Variants in PHACTR3 observed in about 807,000 individuals in gnomAD.
PHACTR3 encodes the protein protein phosphatase 1, regulatory subunit 123.
In PHACTR3, 16 loss-of-function variants were observed where a neutral mutation model predicts 66.8. That is an observed-to-expected ratio of 0.24 (90% CI 0.16 to 0.36). The LOEUF (loss-of-function observed/expected upper bound fraction) is 0.36. PHACTR3 is among the 10% of genes least tolerant of loss of function. PHACTR3 has a pLI of 1.00. For synonymous variants in PHACTR3, 323 were observed against 292.1 expected (o/e 1.11, Z -1.08); for missense variants, 647 against 719.9 (o/e 0.90, Z 1.16).
chr20:59,626,785 G>C (rs2034463950), intron 1 of PHACTR3: 1 of 152,298 alleles, frequency 6.6e-6, no homozygotes, highest in African/African-American at 2.4e-5. Flanking sequence ...AGATGCTGGT[G>C]GTTTGGAGCA....
chr20:59,788,324 G>A (rs1049855237), intron 7 of PHACTR3, among the ~76,000 whole-genome samples: 1 of 152,112 alleles, frequency 6.6e-6, no homozygotes, highest in Non-Finnish European at 1.5e-5. Flanking sequence ...CTGCCTGGGC[G>A]CTTCCCTTTC....
chr20:59,773,353 A>G lies in PHACTR3; in HGVS notation c.826A>G (p.Thr276Ala). The G allele has an allele frequency of 6.2e-7, 1 of 1,614,052 alleles. No homozygotes were observed. Among genetic ancestry groups the G allele is most frequent in the Non-Finnish European group, 8.5e-7 (1 of 1,180,008 alleles). Reference protein sequence around the residue: ...PSLRGQLSTPTGSPHLTTVHR... With the variant: ...PSLRGQLSTPAGSPHLTTVHR... ...CCTCCGGGGCCAGCTCTCCACACCC[A>G]CGGGGTCTCCGCATCTCACCACGGT... is the stretch of plus-strand genomic sequence containing the variant. The change falls in exon 6 of 13, where the codon ACG (threonine) becomes GCG (alanine). Residue 276 changes from threonine to alanine, a missense_variant. Thr to Ala is a moderately conservative substitution (Grantham distance 58, BLOSUM62 0). Coordinates refer to ENST00000371015, the MANE Select transcript of PHACTR3 (RefSeq NM_080672.5).
intron 1 of PHACTR3, among the ~76,000 whole-genome samples, chr20:59,585,916 G>A (rs748478758): frequency 4.6e-5 from 7 of 152,238 alleles, no homozygotes; most frequent in African/African-American, 4.8e-5. Context: ...GCCTCTTTGC[G>A]TGAGTCTCTC....
intron 4 of PHACTR3, among the ~76,000 whole-genome samples, chr20:59,765,498 T>C (rs896815239): frequency 1.8e-4 from 27 of 152,326 alleles, no homozygotes; most frequent in Middle Eastern, 3.4e-3. Flanking sequence ...TCAGAGATTT[T>C]GTTCTCCAGG....
At chr20:59,748,305 G>A (rs1438488109) in intron 3 of PHACTR3, among the ~76,000 whole-genome samples, 1 of 152,090 alleles carries the variant, frequency 6.6e-6, no homozygotes, top group African/African-American at 2.4e-5. Flanking sequence ...TGCACGCCCT[G>A]TCTCATTGGT....
intron 1 of PHACTR3, among the ~76,000 whole-genome samples, chr20:59,705,741 G>A (rs139132399): frequency 2.0e-5 from 3 of 152,192 alleles, no homozygotes; most frequent in Non-Finnish European, 4.4e-5. Context: ...CTGTGGAGAA[G>A]GCTTGTCTGT....
chr20:59,715,772 G>A (rs1474327972), intron 1 of PHACTR3, among the ~76,000 whole-genome samples: 1 of 152,164 alleles, frequency 6.6e-6, no homozygotes. Flanking sequence ...TAGAAGAGGT[G>A]ACATCCTTTA....
chr20:59,673,677 G>A (rs1445216374), intron 1 of PHACTR3, among the ~76,000 whole-genome samples: 1 of 152,206 alleles, frequency 6.6e-6, no homozygotes, highest in Non-Finnish European at 1.5e-5. Flanking sequence ...ACCCGGGCTT[G>A]CTTGGTGCTG....
intron 5 of PHACTR3, among the ~76,000 whole-genome samples, chr20:59,772,294 A>T (rs760067376): frequency 6.6e-6 from 1 of 152,190 alleles, no homozygotes; most frequent in Non-Finnish European, 1.5e-5. Flanking sequence ...GCCTGTTTAG[A>T]ATCATCTTCA....
rs1210238172 is a variant in PHACTR3 at position 59,830,183 on chromosome 20, G to C, written c.1329-6322G>C. Among the ~76,000 whole-genome samples, 1 of 152,164 alleles carries C rather than the reference G, an allele frequency of 6.6e-6. No homozygotes were observed. The highest frequency in any genetic ancestry group is 2.4e-5 in the African/African-American group (1 of 41,438). On this transcript the variant is annotated intron_variant, in intron 8 of 12. Transcript: ENST00000371015. The surrounding 1 kb of genome is among the most constrained non-coding windows in gnomAD (Gnocchi z 5.8). The stretch of plus-strand genomic sequence containing the variant: ...GTGTCTGGTGGAAGAGGGTGTGCGT[G>C]TCTGATGGAAGAGGGTATGAGTGTC...
intron 8 of PHACTR3, among the ~76,000 whole-genome samples, chr20:59,821,696 G>A (rs879328126): frequency 3.3e-5 from 5 of 152,168 alleles, no homozygotes; most frequent in Non-Finnish European, 5.9e-5. Flanking sequence ...ATGAAGAGAT[G>A]GATGAGTGAA....
intron 1 of PHACTR3, among the ~76,000 whole-genome samples, chr20:59,729,335 G>A (rs1164587296): frequency 6.6e-6 from 1 of 152,156 alleles, no homozygotes. Context: ...TGTGAGGGCA[G>A]GCACTGGGTC....
At chr20:59,606,473 G>A (rs932741191) in intron 1 of PHACTR3, among the ~76,000 whole-genome samples, 4 of 152,150 alleles carry the variant, frequency 2.6e-5, no homozygotes, top group South Asian at 2.1e-4. Flanking sequence ...GTTTCAAGCA[G>A]AGGCTGCCAT....
At chr20:59,643,772 G>A (rs539521218) in intron 1 of PHACTR3, among the ~76,000 whole-genome samples, 3 of 152,288 alleles carry the variant, frequency 2.0e-5, no homozygotes, top group South Asian at 2.1e-4. Context: ...TGCTGGTGAC[G>A]CAGTCCCTTT....
intron 1 of PHACTR3, among the ~76,000 whole-genome samples, chr20:59,583,565 C>G (rs545627381): frequency 3.5e-4 from 54 of 152,374 alleles, no homozygotes; most frequent in Non-Finnish European, 4.4e-5. Context: ...CGCGTGCCCG[C>G]CTACGCAAGC....
rs552668787 is a variant in PHACTR3, at chr20:59,584,384, T to C, written c.109+6767T>C. ...GTGATTGTGTGTGTGCGTGTGAGGG[T>C]TGAGGCTGTGCAGGAGTGTGCGTGC... On this transcript the variant is annotated intron_variant, in intron 1 of 12. Coordinates refer to the PHACTR3 transcript ENST00000359926. Among the ~76,000 whole-genome samples the C allele has an allele frequency of 2.8e-3, 415 of 148,902 alleles. 2 individuals carry two copies. Among genetic ancestry groups the C allele is most frequent in the African/African-American group, 9.7e-3 (393 of 40,336 alleles).
intron 1 of PHACTR3, among the ~76,000 whole-genome samples, chr20:59,632,270 C>A (rs541495129): frequency 1.3e-5 from 2 of 152,106 alleles, no homozygotes; most frequent in Non-Finnish European, 2.9e-5. Context: ...AGTCCCCTTG[C>A]GTCTGGCTGG....
At chr20:59,664,407 G>A (rs929687915) in intron 1 of PHACTR3, among the ~76,000 whole-genome samples, 55 of 152,174 alleles carry the variant, frequency 3.6e-4, no homozygotes, top group Admixed American at 1.2e-3. Context: ...GCCTGCCACC[G>A]CCTCCTTGTG....
chr20:59,697,430 G>T lies in PHACTR3; in HGVS notation c.119-45677G>T, dbSNP rs982794035. 3.3e-5 allele frequency among the ~76,000 whole-genome samples: 5 copies of T among 152,150 alleles called. No individual in the cohort carries two copies. The South Asian group carries it at 6.2e-4, about 19-fold the overall frequency. ...AGACTTACTTCTTATCCCCATCCTT[G>T]CAGGCAGAGGCCCCTAACAAATGTC... On this transcript the variant is annotated intron_variant, in intron 1 of 12. Coordinates refer to ENST00000371015, the MANE Select transcript of PHACTR3 (RefSeq NM_080672.5).
Sources: gnomAD v4.1 joint callset for allele counts (sites outside exome capture counted in the v4.1 genomes callset) on GRCh38, gnomAD v4.1.1 for gene constraint, Gnocchi (gnomAD v3.1) non-coding constraint, MANE v1.5 for transcripts, NCBI Gene and HGNC (gene_info 2026-07-23, HGNC 2026-07-21) for gene names.